Variants in BRSK1 observed in about 807,000 individuals in gnomAD.
BRSK1 encodes the protein serine/threonine-protein kinase BRSK1.
Under a neutral mutation model 86.2 loss-of-function variants are expected in BRSK1, and 17 were observed. The ratio of observed to expected loss-of-function variants is 0.20; its 90% CI spans 0.14 to 0.30. The LOEUF is 0.30. Ranked by LOEUF, BRSK1 falls within the 10% of genes least tolerant of loss-of-function variation. The pLI is 1.00. For synonymous variants in BRSK1, 464 were observed against 440.1 expected, an observed-to-expected ratio of 1.05 and a Z score of -0.68; for missense variants, 719 against 1,071.9, an observed-to-expected ratio of 0.67 and a Z score of 4.60.
rs573704812 is a variant in BRSK1, at chr19:55,310,508, T to A, written c.2180-1403T>A. Among the ~76,000 whole-genome samples the A allele has an allele frequency of 7.2e-5, 11 of 152,308 alleles. No individual in the cohort carries two copies. The highest frequency in any genetic ancestry group is 2.2e-4 in the African/African-American group (9 of 41,558). Reference sequence around the variant, plus strand: ...TAGTCACAAGTTCTCGGTATTTGCATGTGGACATCTTTGGAGGGGGCCGTT... The same window carrying A: ...TAGTCACAAGTTCTCGGTATTTGCAAGTGGACATCTTTGGAGGGGGCCGTT... On this transcript the variant is annotated intron_variant, in intron 18 of 18. Coordinates refer to ENST00000309383, the MANE Select transcript of BRSK1 (RefSeq NM_032430.2). The surrounding 1 kb of genome is among the most constrained non-coding windows in gnomAD (Gnocchi z 5.0).
At position 55,303,227 on chromosome 19, in the gene BRSK1, G is replaced by A; in HGVS notation, c.1029-84G>A. 1.9e-6 allele frequency: 2 copies of A among 1,073,208 alleles called. No homozygotes were observed. Among genetic ancestry groups the A allele is most frequent in the Non-Finnish European group, 2.9e-6 (2 of 695,664 alleles). The allele number at this position is 1,073,208 out of a possible 1,614,324, so 66.5% of individuals were successfully genotyped here. A position where few individuals can be genotyped will look rare whatever the true frequency, so the allele number is the denominator to read the frequency against. Reference sequence around the variant, plus strand: ...ATGGAACCATGGGCAGAAATACAGGGAGCGGAGGAGACCTCCTCTGAGCAT... The same window carrying A: ...ATGGAACCATGGGCAGAAATACAGGAAGCGGAGGAGACCTCCTCTGAGCAT... On this transcript the variant is annotated intron_variant, in intron 10 of 18. Coordinates refer to ENST00000309383, the MANE Select transcript of BRSK1 (RefSeq NM_032430.2). This position sits in a 1 kb window ranked among gnomAD's most constrained non-coding sequence, Gnocchi z 5.1.
At chr19:55,296,032 C>T (rs2088481653) in intron 7 of BRSK1, among the ~76,000 whole-genome samples, 1 of 152,078 alleles carries the variant, frequency 6.6e-6, no homozygotes, top group Non-Finnish European at 1.5e-5. Flanking sequence ...GGCCTTTCTG[C>T]CTGGGACACT....
In BRSK1 at chr19:55,311,979, C is replaced by G. The variant is rs574851872; in HGVS notation, c.2248C>G (p.Arg750Gly). 6.3e-7 allele frequency: 1 copy of G among 1,586,466 alleles called. No individual in the cohort carries two copies. Among genetic ancestry groups the G allele is most frequent in the East Asian group, 2.3e-5 (1 of 43,800 alleles). The change falls in exon 19 of 19, where the codon CGC becomes GGC. Residue 750 changes from arginine (R) to glycine (G), a missense_variant. Around this residue, in one of 6 missense-constraint regions of BRSK1, gnomAD observed 82 missense variants for 72.6 expected, o/e 1.13. Transcript: ENST00000309383. ...CCGAAGCCTGCAGCCCCCACCCGGC[C>G]GCCCAGACCCAGAGCTGAGCAGCTC... is the stretch of plus-strand genomic sequence containing the variant. ...PPRSLQPPPG[R>G]PDPELSSSPR...
chr19:55,300,972 T>A (rs2088561511), intron 7 of BRSK1, among the ~76,000 whole-genome samples: 2 of 152,184 alleles, frequency 1.3e-5, no homozygotes, highest in Non-Finnish European at 2.9e-5. Flanking sequence ...TGCAGCTGTA[T>A]CACTCCCATC....
chr19:55,285,270 C>T (rs917039020), intron 1 of BRSK1, among the ~76,000 whole-genome samples: 2 of 151,914 alleles, frequency 1.3e-5, no homozygotes, highest in Non-Finnish European at 2.9e-5. Flanking sequence ...GGGGCCTGGA[C>T]TCCTGAGTCT....
chr19:55,292,700 G>A (rs1419772543), intron 4 of BRSK1, among the ~76,000 whole-genome samples: 1 of 151,980 alleles, frequency 6.6e-6, no homozygotes. Context: ...TGGGCGTGGT[G>A]GCACATGCCT....
At chr19:55,300,951 G>A (rs185599835) in intron 7 of BRSK1, among the ~76,000 whole-genome samples, 83 of 152,302 alleles carry the variant, frequency 5.4e-4, no homozygotes, top group Non-Finnish European at 8.5e-4. Flanking sequence ...TGTCCTTGGC[G>A]TTCCTTCAGT....
At position 55,304,425 on chromosome 19, in the gene BRSK1, G is replaced by C. The variant is rs564691534; in HGVS notation, c.1348-126G>C. 18 of 1,190,506 alleles carry C rather than the reference G, an allele frequency of 1.5e-5. No homozygotes were observed. The highest frequency in any genetic ancestry group is 2.9e-4 in the Middle Eastern group (1 of 3,500). The allele number at this position is 1,190,506 out of a possible 1,614,324, so 73.7% of individuals were successfully genotyped here. On this transcript the variant is annotated intron_variant, in intron 13 of 18. Coordinates refer to ENST00000309383, the MANE Select transcript of BRSK1 (RefSeq NM_032430.2). This position sits in a 1 kb window ranked among gnomAD's most constrained non-coding sequence, Gnocchi z 5.2. ...CCTTGCTCTGGGGCCTGGGAAGGAGGATACTTGGACTACAAGTTGCAGCAT... is the reference window on the plus strand; with the variant it reads ...CCTTGCTCTGGGGCCTGGGAAGGAGCATACTTGGACTACAAGTTGCAGCAT...
chr19:55,302,167 C>T lies in BRSK1; in HGVS notation c.856C>T (p.Leu286=), dbSNP rs549853359. ...LEQIQKHPWY[L]GGKHEPDPCL... ...GCAAATTCAGAAACATCCTTGGTACCTGTGAGTATGGGGTAACTGGACTCT... is the reference window on the plus strand; with the variant it reads ...GCAAATTCAGAAACATCCTTGGTACTTGTGAGTATGGGGTAACTGGACTCT... The change falls in exon 9 of 19, where the codon CTA becomes TTA. Residue 286 remains leucine, a splice_region_variant and synonymous_variant. Coordinates refer to ENST00000309383, the MANE Select transcript of BRSK1 (RefSeq NM_032430.2). The surrounding 1 kb of genome is among the most constrained non-coding windows in gnomAD (Gnocchi z 6.3). 3.1e-6 allele frequency: 5 copies of T among 1,614,064 alleles called. No homozygotes were observed. In the South Asian group the frequency reaches 5.5e-5, roughly 18 times the overall value.
At chr19:55,296,886 C>T (rs2088497114) in intron 7 of BRSK1, among the ~76,000 whole-genome samples, 1 of 151,476 alleles carries the variant, frequency 6.6e-6, no homozygotes, top group Non-Finnish European at 1.5e-5. Context: ...CATGGTGGCA[C>T]CTGCCTGTAG....
At chr19:55,291,994 A>G (rs1280400627) in intron 4 of BRSK1, among the ~76,000 whole-genome samples, 3 of 152,156 alleles carry the variant, frequency 2.0e-5, no homozygotes, top group African/African-American at 4.8e-5. Context: ...TCCTGACCTC[A>G]GGTGATCCAC....
Position 55,284,145 on chromosome 19 carries a change from CG to C in BRSK1, c.-292del. The C allele has an allele frequency of 2.9e-5, 28 of 979,188 alleles. No individual in the cohort carries two copies. Among genetic ancestry groups the C allele is most frequent in the South Asian group, 1.5e-4 (3 of 19,548 alleles). The allele number at this position is 979,188 out of a possible 1,614,324, so 60.7% of individuals were successfully genotyped here. A position where few individuals can be genotyped will look rare whatever the true frequency, so the allele number is the denominator to read the frequency against. ...CGGCCCGCACCTCAGACCCCCCCGGCGGGGGGAGGCGCAGGAAGCGGGGGGC... is the reference window on the plus strand; with the variant it reads ...CGGCCCGCACCTCAGACCCCCCCGGCGGGGGAGGCGCAGGAAGCGGGGGGC... On this transcript the variant is annotated 5_prime_UTR_variant, in exon 1 of 19. An upstream open reading frame in the 5' UTR loses its in-frame stop. Coordinates refer to ENST00000309383, the MANE Select transcript of BRSK1 (RefSeq NM_032430.2).
intron 17 of BRSK1, among the ~76,000 whole-genome samples, chr19:55,307,681 A>G (rs911533432): frequency 6.7e-6 from 1 of 150,330 alleles, no homozygotes; most frequent in African/African-American, 2.5e-5. Flanking sequence ...GCTTGAGCCC[A>G]GGAGTTTGAG....
In BRSK1 at chr19:55,303,120, T is replaced by TAG; in HGVS notation, c.1029-190_1029-189insGA. The TAG allele has an allele frequency of 1.6e-6, 1 of 633,884 alleles. No individual in the cohort carries two copies. The highest frequency in any genetic ancestry group is 2.9e-5 in the Admixed American group (1 of 34,498). 39.3% of individuals were successfully genotyped at this position (633,884 alleles called of 1,614,324 possible). A position where few individuals can be genotyped will look rare whatever the true frequency, so the allele number is the denominator to read the frequency against. ...TAGTTCTTGCCTGGATGTTAGGTGT[T>TAG]ACAGTGTTATTATAATTGAGTGAAA... On this transcript the variant is annotated intron_variant, in intron 10 of 18. Transcript: ENST00000309383. This position sits in a 1 kb window ranked among gnomAD's most constrained non-coding sequence, Gnocchi z 5.1.
chr19:55,303,053 G>A lies in BRSK1; in HGVS notation c.1028+186G>A. On this transcript the variant is annotated intron_variant, in intron 10 of 18. Transcript: ENST00000309383. This position sits in a 1 kb window ranked among gnomAD's most constrained non-coding sequence, Gnocchi z 5.1. ...GAAACACGCTGAGAAAGTATTAATA[G>A]ATGCTGCGACATAGTACTTACATAT... is the stretch of plus-strand genomic sequence containing the variant. 2 of 716,486 alleles carry A rather than the reference G, an allele frequency of 2.8e-6. No homozygotes were observed. The highest frequency in any genetic ancestry group is 4.5e-6 in the Non-Finnish European group (2 of 442,668). 44.4% of individuals were successfully genotyped at this position (716,486 alleles called of 1,614,324 possible).
At chr19:55,288,815 T>A (rs779654920) in intron 3 of BRSK1, among the ~76,000 whole-genome samples, 4 of 151,954 alleles carry the variant, frequency 2.6e-5, no homozygotes, top group Non-Finnish European at 5.9e-5. Flanking sequence ...GAACTCCTGA[T>A]CTCAAGTGAT....
intron 4 of BRSK1, among the ~76,000 whole-genome samples, chr19:55,292,482 A>C (rs879729411): frequency 5.3e-5 from 8 of 152,088 alleles, no homozygotes; most frequent in Non-Finnish European, 1.0e-4. Flanking sequence ...GCGATGGGTA[A>C]GTGAGGCTTC....
In BRSK1 at chr19:55,294,301, T is replaced by C. The variant is rs1431706332; in HGVS notation, c.610-28T>C. 3 of 1,614,126 alleles carry C rather than the reference T, an allele frequency of 1.9e-6. No homozygotes were observed. The highest frequency in any genetic ancestry group is 1.3e-5 in the African/African-American group (1 of 75,016). ...GGGTGGAGGCAGCAGTGAGGAGCGA[T>C]GAAGTCACAACTGGCCTTCCCTTCC... On this transcript the variant is annotated intron_variant, in intron 6 of 18. Transcript: ENST00000309383. This position sits in a 1 kb window ranked among gnomAD's most constrained non-coding sequence, Gnocchi z 4.9.
intron 7 of BRSK1, among the ~76,000 whole-genome samples, chr19:55,295,991 TC>T (rs1027314107): frequency 1.3e-5 from 2 of 151,980 alleles, no homozygotes; most frequent in Non-Finnish European, 2.9e-5. Flanking sequence ...TATAGCCAGA[TC>T]GTAGGCTATC....
Sources: gnomAD v4.1 joint callset for allele counts (sites outside exome capture counted in the v4.1 genomes callset) on GRCh38, gnomAD v4.1.1 for gene constraint, gnomAD v4.1.1 regional missense constraint, Gnocchi (gnomAD v3.1) non-coding constraint, MANE v1.5 for transcripts, NCBI Gene and HGNC (gene_info 2026-07-23, HGNC 2026-07-21) for gene names.